The following NSMCE1 variants were observed in gnomAD, a reference collection of about 807,000 sequenced individuals.
NSMCE1 encodes NSE1 component of SMC5/6 complex, also known as non-structural maintenance of chromosomes element 1 homolog.
Under a neutral mutation model 29.6 loss-of-function variants are expected in NSMCE1, and 18 were observed. That is an observed-to-expected ratio of 0.61 (90% CI 0.42 to 0.90). The LOEUF is 0.90. NSMCE1 is among the 40% of genes least tolerant of loss of function. The pLI is 0.00. For missense variants in NSMCE1, 314 were observed against 343.6 expected, an observed-to-expected ratio of 0.91 and a Z score of 0.68; for synonymous variants, 124 against 133.4, an observed-to-expected ratio of 0.93 and a Z score of 0.49.
intron 5 of NSMCE1, among the ~76,000 whole-genome samples, chr16:27,230,382 C>T (rs1455818985): frequency 2.0e-5 from 3 of 152,256 alleles, no homozygotes; most frequent in Non-Finnish European, 2.9e-5. Context: ...TCTCTCTGAT[C>T]GAGGTGCTGC....
intron 2 of NSMCE1, chr16:27,241,973 G>A: frequency 2.9e-6 from 1 of 349,506 alleles, no homozygotes; most frequent in South Asian, 2.1e-5. Context: ...AAAGGATGTG[G>A]GCATTCATCA....
At chr16:27,268,228 C>T (rs963286609) in intron 1 of NSMCE1, 1 of 152,088 alleles carries the variant, frequency 6.6e-6, no homozygotes. Context: ...ACATAAGCGG[C>T]TGCGGACTTG....
chr16:27,235,433 T>G, intron 2 of NSMCE1, 134 bp from the exon 3 acceptor site: 1 of 922,102 alleles, frequency 1.1e-6, no homozygotes, highest in Admixed American at 2.6e-5. Context: ...CTGCAGCCTC[T>G]TGGGTGAACG....
At chr16:27,228,241 C>T (rs1210180823) in intron 5 of NSMCE1, among the ~76,000 whole-genome samples, 1 of 152,190 alleles carries the variant, frequency 6.6e-6, no homozygotes, top group African/African-American at 2.4e-5. Flanking sequence ...GAAGGCAGGG[C>T]AGAAGCGTGG....
chr16:27,228,255 T>C (rs1217780810), intron 5 of NSMCE1, among the ~76,000 whole-genome samples: 1 of 152,126 alleles, frequency 6.6e-6, no homozygotes, highest in Non-Finnish European at 1.5e-5. Flanking sequence ...AGCGTGGGGT[T>C]GGGGCATGGA....
At chr16:27,250,842 TG>T (rs1306414693) in intron 2 of NSMCE1, among the ~76,000 whole-genome samples, 3,892 of 125,598 alleles carry the variant, frequency 0.031, 77 homozygotes, top group Non-Finnish European at 0.045. Context: ...TAATTTTAAC[TG>T]TTTTTTTTTT....
chr16:27,229,943 C>T (rs2083745031), intron 5 of NSMCE1, among the ~76,000 whole-genome samples: 2 of 152,212 alleles, frequency 1.3e-5, no homozygotes, highest in African/African-American at 4.8e-5. Context: ...CATTCATGAC[C>T]CACTCAGTCC....
chr16:27,226,235 G>A (rs537812514), intron 6 of NSMCE1: 1 of 219,786 alleles, frequency 4.5e-6, no homozygotes, highest in African/African-American at 2.3e-5. Context: ...TAATCACCAG[G>A]TGCCCAAGGA....
intron 2 of NSMCE1, among the ~76,000 whole-genome samples, chr16:27,243,616 C>G (rs188958887): frequency 1.6e-4 from 25 of 152,252 alleles, no homozygotes; most frequent in Admixed American, 1.6e-3. Context: ...CCAAAAGGAC[C>G]AAGGCAGGAT....
At chr16:27,229,608 CTT>C (rs1167291787) in intron 5 of NSMCE1, among the ~76,000 whole-genome samples, 1 of 152,208 alleles carries the variant, frequency 6.6e-6, no homozygotes. Context: ...GAGTTTCGCT[CTT>C]GTTGCCCAGG....
rs1365962161 is a variant in NSMCE1 at position 27,232,977 on chromosome 16, G to C, written c.483+24C>G. 1 of 1,606,182 alleles carries C rather than the reference G, an allele frequency of 6.2e-7. No individual in the cohort carries two copies. Among genetic ancestry groups the C allele is most frequent in the Admixed American group, 1.7e-5 (1 of 57,768 alleles). ...TTATTCACTTGAAAAAGTGAACCAGGCTGGAAAAACCATGAGACAGTACCT... is the reference window on the plus strand; with the variant it reads ...TTATTCACTTGAAAAAGTGAACCAGCCTGGAAAAACCATGAGACAGTACCT... On this transcript the variant is annotated intron_variant, in intron 5 of 7. Transcript: ENST00000361439. The surrounding 1 kb of genome is among the most constrained non-coding windows in gnomAD (Gnocchi z 4.5).
At chr16:27,244,804 C>T (rs1411989477) in intron 2 of NSMCE1, among the ~76,000 whole-genome samples, 1 of 152,224 alleles carries the variant, frequency 6.6e-6, no homozygotes, top group Non-Finnish European at 1.5e-5. Context: ...AAGCAGAATG[C>T]CAGCTCCCTG....
intron 6 of NSMCE1, 68 bp downstream of exon 6, chr16:27,226,648 GGGAA>G: frequency 1.0e-6 from 1 of 963,828 alleles, no homozygotes; most frequent in South Asian, 1.4e-5. Context: ...CCAGGATTCC[GGGAA>G]GTACCTGTAC....
At chr16:27,241,788 C>T (rs2140997581) in intron 2 of NSMCE1, 1 of 446,044 alleles carries the variant, frequency 2.2e-6, no homozygotes, top group South Asian at 1.6e-5. Context: ...CGCTGCAGCG[C>T]CGCTCCTCAC....
intron 2 of NSMCE1, among the ~76,000 whole-genome samples, chr16:27,236,191 C>T (rs911037969): frequency 3.3e-5 from 5 of 151,824 alleles, no homozygotes; most frequent in South Asian, 2.1e-4. Flanking sequence ...AGCCCGTGGC[C>T]GGGGACAGCA....
intron 2 of NSMCE1, among the ~76,000 whole-genome samples, chr16:27,251,204 A>ATG (rs1191447435): frequency 2.5e-5 from 2 of 80,192 alleles, no homozygotes; most frequent in African/African-American, 6.5e-5. Context: ...ATATATATAT[A>ATG]TATAAAACTC....
intron 1 of NSMCE1, among the ~76,000 whole-genome samples, chr16:27,262,976 C>G (rs2084177355): frequency 1.3e-5 from 2 of 152,056 alleles, no homozygotes; most frequent in Non-Finnish European, 2.9e-5. Flanking sequence ...TAGAGAAATG[C>G]AAATCAAAAC....
At chr16:27,236,041 C>T (rs1314983816) in intron 2 of NSMCE1, among the ~76,000 whole-genome samples, 4 of 152,172 alleles carry the variant, frequency 2.6e-5, no homozygotes, top group African/African-American at 9.7e-5. Context: ...ACTTCTCTGT[C>T]GCCCACCTCC....
At chr16:27,228,269 C>T (rs2083724156) in intron 5 of NSMCE1, among the ~76,000 whole-genome samples, 1 of 152,118 alleles carries the variant, frequency 6.6e-6, no homozygotes, top group Admixed American at 6.5e-5. Context: ...GCATGGACAG[C>T]CGCTGCGGGA....
Sources: gnomAD v4.1 joint callset for allele counts (sites outside exome capture counted in the v4.1 genomes callset) on GRCh38, gnomAD v4.1.1 for gene constraint, Gnocchi (gnomAD v3.1) non-coding constraint, MANE v1.5 for transcripts, NCBI Gene and HGNC (gene_info 2026-07-23, HGNC 2026-07-21) for gene names.